ADCY9: variants seen among roughly 807,000 people sequenced by gnomAD.
ADCY9 encodes adenylate cyclase 9.
ADCY9 carries 50 observed loss-of-function variants against 101.5 expected under a neutral mutation model. The observed-to-expected ratio is 0.49, with a 90% CI of 0.39 to 0.62. ADCY9 has a LOEUF of 0.62. Ranked by LOEUF, ADCY9 falls within the 20% of genes least tolerant of loss-of-function variation. The pLI is 0.00. For synonymous variants in ADCY9, 905 were observed against 769.3 expected (o/e 1.18, Z -2.92); for missense variants, 1,662 against 1,800.4 (o/e 0.92, Z 1.39).
intron 2 of ADCY9, among the ~76,000 whole-genome samples, chr16:4,032,448 C>T (rs1020816095): frequency 7.9e-5 from 12 of 151,980 alleles, no homozygotes; most frequent in Non-Finnish European, 1.5e-4. Context: ...TATGCAAAGG[C>T]GGTCACCTTA....
chr16:4,054,811 C>G (rs2056726340), intron 2 of ADCY9, among the ~76,000 whole-genome samples: 1 of 152,118 alleles, frequency 6.6e-6, no homozygotes, highest in South Asian at 2.1e-4. Context: ...TCGTGATCCA[C>G]CTGCCTCGAC....
At chr16:3,987,923 G>T (rs1423153473) in intron 6 of ADCY9, among the ~76,000 whole-genome samples, 2 of 152,168 alleles carry the variant, frequency 1.3e-5, no homozygotes, top group Non-Finnish European at 2.9e-5. Context: ...CTAGGTTCTT[G>T]TATTATTCCT....
intron 2 of ADCY9, among the ~76,000 whole-genome samples, chr16:4,058,021 T>C (rs987968358): frequency 6.6e-6 from 1 of 151,776 alleles, no homozygotes; most frequent in Non-Finnish European, 1.5e-5. Flanking sequence ...TAGCCAGGCG[T>C]GGTGGTGGGC....
chr16:4,039,679 C>CAAAAA (rs35158886), intron 2 of ADCY9, among the ~76,000 whole-genome samples: 2 of 64,642 alleles, frequency 3.1e-5, no homozygotes, highest in African/African-American at 4.9e-5. Flanking sequence ...AACTCTGTCT[C>CAAAAA]AAAAAAAAAA....
At chr16:4,004,294 G>C (rs11076797) in intron 3 of ADCY9, among the ~76,000 whole-genome samples, 22,024 of 146,492 alleles carry the variant, frequency 0.15, 1,875 homozygotes, top group Non-Finnish European at 0.2. Context: ...CTTGGGTGTA[G>C]AAAGGGTTCC....
Position 4,114,849 on chromosome 16 carries a change from G to C in ADCY9, c.594C>G (p.Val198=). The change falls in exon 2 of 11, where the codon GTC becomes GTG. Residue 198 remains valine, a synonymous_variant. Transcript: ENST00000294016. This position sits in a 1 kb window ranked among gnomAD's most constrained non-coding sequence, Gnocchi z 4.3. ...LAAQFQVLTP[V]SGRGDSSNLT... ...GGTTGGAGCTGTCGCCGCGTCCTGA[G>C]ACAGGCGTCAAGACCTGGAACTGCG... is the stretch of plus-strand genomic sequence containing the variant. The C allele has an allele frequency of 6.2e-7, 1 of 1,613,642 alleles. No homozygotes were observed. Among genetic ancestry groups the C allele is most frequent in the South Asian group, 1.1e-5 (1 of 91,090 alleles).
chr16:4,074,474 C>T (rs139484982), intron 2 of ADCY9, among the ~76,000 whole-genome samples: 4 of 150,554 alleles, frequency 2.7e-5, no homozygotes, highest in African/African-American at 9.8e-5. Flanking sequence ...GTGGGAGGAG[C>T]ACTTGAGGCC....
chr16:4,016,972 G>A (rs1348080458), intron 2 of ADCY9, among the ~76,000 whole-genome samples: 3 of 152,166 alleles, frequency 2.0e-5, no homozygotes, highest in Non-Finnish European at 4.4e-5. Flanking sequence ...TGCATCATAT[G>A]TGAATTATAC....
intron 2 of ADCY9, among the ~76,000 whole-genome samples, chr16:4,074,214 T>G (rs897979981): frequency 1.3e-5 from 2 of 151,942 alleles, no homozygotes; most frequent in Non-Finnish European, 2.9e-5. Context: ...ATTTACAAGG[T>G]TCTCATAGAA....
intron 8 of ADCY9, among the ~76,000 whole-genome samples, chr16:3,977,969 G>A (rs566826371): frequency 3.3e-5 from 5 of 152,200 alleles, no homozygotes; most frequent in African/African-American, 4.8e-5. Flanking sequence ...CACCTGCCTC[G>A]GCCTCTCAAA....
At chr16:4,101,902 C>T (rs1172122726) in intron 2 of ADCY9, among the ~76,000 whole-genome samples, 3 of 152,234 alleles carry the variant, frequency 2.0e-5, no homozygotes, top group South Asian at 2.1e-4. Flanking sequence ...GCTGAACCCC[C>T]GAGGGTTTTC....
At chr16:3,977,955 G>A (rs987420173) in intron 8 of ADCY9, among the ~76,000 whole-genome samples, 2 of 152,152 alleles carry the variant, frequency 1.3e-5, no homozygotes, top group Non-Finnish European at 2.9e-5. Flanking sequence ...GACCTCAGGT[G>A]ATCCACCTGC....
At chr16:4,021,591 GC>G (rs2056477483) in intron 2 of ADCY9, among the ~76,000 whole-genome samples, 1 of 152,192 alleles carries the variant, frequency 6.6e-6, no homozygotes, top group South Asian at 2.1e-4. Flanking sequence ...CCAAACGCCT[GC>G]CCCCTGCTTC....
rs537295838 is a variant in ADCY9 at position 4,051,522 on chromosome 16, TA to T, written c.1694-43965del. Among the ~76,000 whole-genome samples the T allele has an allele frequency of 7.4e-3, 903 of 122,110 alleles. 2 individuals carry two copies. Among genetic ancestry groups the T allele is most frequent in the African/African-American group, 9.6e-3 (313 of 32,548 alleles). 80.1% of individuals were successfully genotyped at this position (122,110 alleles called of 152,430 possible). A position where few individuals can be genotyped will look rare whatever the true frequency, so the allele number is the denominator to read the frequency against. On this transcript the variant is annotated intron_variant, in intron 2 of 10. Coordinates refer to ENST00000294016, the MANE Select transcript of ADCY9 (RefSeq NM_001116.4). The stretch of plus-strand genomic sequence containing the variant: ...CTGGGCAACAGAGCAAGACTCCATC[TA>T]AAAAAAAAAAAAAAAGAAGAAGAAG...
chr16:4,025,353 C>T (rs1172744541), intron 2 of ADCY9, among the ~76,000 whole-genome samples: 3 of 133,894 alleles, frequency 2.2e-5, no homozygotes, highest in Non-Finnish European at 4.7e-5. Context: ...CCAGCCAGGG[C>T]AACAGAGCAA....
intron 3 of ADCY9, among the ~76,000 whole-genome samples, chr16:4,001,651 C>T (rs770849189): frequency 5.9e-5 from 9 of 152,026 alleles, no homozygotes; most frequent in Non-Finnish European, 1.3e-4. Context: ...CAGACTCAAG[C>T]GATCCTCCCA....
chr16:4,032,597 C>A (rs1362544680), intron 2 of ADCY9, among the ~76,000 whole-genome samples: 2 of 147,956 alleles, frequency 1.4e-5, no homozygotes, highest in East Asian at 4.1e-4. Flanking sequence ...GCAACCTCTG[C>A]CTCCCTGGTT....
intron 2 of ADCY9, among the ~76,000 whole-genome samples, chr16:4,103,592 G>A (rs189598769): frequency 6.6e-6 from 1 of 152,338 alleles, no homozygotes; most frequent in East Asian, 1.9e-4. Context: ...CATTTTGTGA[G>A]GCCGAGGTAG....
chr16:4,089,183 T>C (rs2056958245), intron 2 of ADCY9, among the ~76,000 whole-genome samples: 1 of 151,926 alleles, frequency 6.6e-6, no homozygotes. Flanking sequence ...CAGGTGATCC[T>C]CCCGCCTCAG....
Sources: allele counts gnomAD v4.1 joint callset (sites outside exome capture counted in the v4.1 genomes callset), GRCh38; gene constraint gnomAD v4.1.1; non-coding constraint Gnocchi (gnomAD v3.1); transcripts MANE v1.5; gene names NCBI Gene and HGNC (gene_info 2026-07-23, HGNC 2026-07-21).